The following DPP6 variants were observed in gnomAD, a reference collection of about 807,000 sequenced individuals.
DPP6 encodes the protein A-type potassium channel modulatory protein DPP6.
Under a neutral mutation model 122.6 loss-of-function variants are expected in DPP6, and 69 were observed. The observed-to-expected ratio is 0.56, with a 90% confidence interval of 0.46 to 0.69. The LOEUF (loss-of-function observed/expected upper bound fraction) is 0.69. DPP6 is among the 30% of genes least tolerant of loss of function. The probability of loss-of-function intolerance (pLI) is 0.00; values close to 1 mark genes in which losing one functional copy is unlikely to be tolerated. For missense variants in DPP6, 928 were observed against 1,116.9 expected (o/e 0.83, Z 2.41); for synonymous variants, 418 against 433.1 (o/e 0.97, Z 0.43).
At chr7:154,201,266 T>C (rs911278466) in intron 1 of DPP6, among the ~76,000 whole-genome samples, 4 of 152,134 alleles carry the variant, frequency 2.6e-5, no homozygotes, top group African/African-American at 9.7e-5. Context: ...TAGCTGGGAT[T>C]ACAGGCACCT....
In DPP6 at chr7:154,492,972, C is replaced by T. The variant is rs577990304; in HGVS notation, c.457+17935C>T. On this transcript the variant is annotated intron_variant, in intron 3 of 25. Transcript: ENST00000377770. ...AGTCAGTAAAAATCCACGAAGCTCCCGCATCCCTCTTCTTAAACATGGCCC... is the reference window on the plus strand; with the variant it reads ...AGTCAGTAAAAATCCACGAAGCTCCTGCATCCCTCTTCTTAAACATGGCCC... Among the ~76,000 whole-genome samples, 5 of 152,274 alleles carry T rather than the reference C, an allele frequency of 3.3e-5. No homozygotes were observed. In the South Asian group the frequency reaches 8.3e-4, roughly 25 times the overall value.
the DPP6 span, among the ~76,000 whole-genome samples, chr7:153,814,659 G>A: frequency 6.6e-6 from 1 of 151,984 alleles, no homozygotes; most frequent in Admixed American, 6.6e-5. Context: ...CAACCAAAAA[G>A]GAGAATTTTA....
chr7:154,175,293 G>A (rs1018853986), intron 1 of DPP6, among the ~76,000 whole-genome samples: 3 of 152,042 alleles, frequency 2.0e-5, no homozygotes, highest in Admixed American at 1.3e-4. Context: ...GTTGGAAATC[G>A]TCTTGGATTC....
chr7:153,957,224 GA>G (rs935305779), intron 1 of DPP6, among the ~76,000 whole-genome samples: 12 of 152,150 alleles, frequency 7.9e-5, no homozygotes, highest in African/African-American at 2.7e-4. Context: ...TGAGATGTCA[GA>G]AAAATCAGTA....
the DPP6 span, among the ~76,000 whole-genome samples, chr7:153,759,552 C>T: frequency 6.6e-6 from 1 of 151,944 alleles, no homozygotes. Flanking sequence ...AGGCTGGTCT[C>T]AAACTCCTAT....
At chr7:153,897,660 A>G (rs995285116) in intron 1 of DPP6, among the ~76,000 whole-genome samples, 3 of 152,200 alleles carry the variant, frequency 2.0e-5, no homozygotes, top group Non-Finnish European at 4.4e-5. Flanking sequence ...CAACTTATAT[A>G]TGAAAGTTTG....
intron 1 of DPP6, among the ~76,000 whole-genome samples, chr7:154,121,520 C>A (rs1179103511): frequency 1.3e-5 from 2 of 152,070 alleles, no homozygotes; most frequent in Non-Finnish European, 2.9e-5. Flanking sequence ...CTTGTGGTTT[C>A]CTCCTTAATA....
chr7:154,060,541 A>G (rs1372840558), intron 1 of DPP6, among the ~76,000 whole-genome samples: 4 of 133,496 alleles, frequency 3.0e-5, no homozygotes, highest in African/African-American at 1.2e-4. Context: ...GTGTCCAAGT[A>G]GAAAGTTCAA....
intron 13 of DPP6, 112 bp from the exon 14 acceptor site, chr7:154,803,752 A>G: frequency 6.9e-7 from 1 of 1,446,378 alleles, no homozygotes; most frequent in Non-Finnish European, 9.3e-7. Context: ...CCCTTCCCAC[A>G]GAGAGAATGG....
intron 1 of DPP6, among the ~76,000 whole-genome samples, chr7:154,185,189 T>C (rs928273305): frequency 7.2e-5 from 11 of 152,218 alleles, no homozygotes; most frequent in African/African-American, 2.4e-4. Flanking sequence ...ATGGTATGCA[T>C]TGTAGGCTAT....
chr7:154,841,078 C>G (rs530694305), intron 16 of DPP6, among the ~76,000 whole-genome samples: 4 of 152,162 alleles, frequency 2.6e-5, no homozygotes, highest in African/African-American at 9.7e-5. Flanking sequence ...TTGCTCGGAT[C>G]GAAAGTCATT....
intron 1 of DPP6, among the ~76,000 whole-genome samples, chr7:154,023,318 G>GCACGCGCACGCACACACACACACACACA (rs373378162): frequency 7.7e-6 from 1 of 129,528 alleles, no homozygotes; most frequent in African/African-American, 3.2e-5. Flanking sequence ...TTTCTTGTCT[G>GCACGCGCACGCACACACACACACACACA]CACACACACA....
chr7:154,478,921 C>A (rs1448485032), intron 3 of DPP6, among the ~76,000 whole-genome samples: 1 of 151,672 alleles, frequency 6.6e-6, no homozygotes, highest in Non-Finnish European at 1.5e-5. Context: ...TGGTGTAATT[C>A]TCTACAGAGG....
chr7:154,154,914 T>C (rs1157753857), intron 1 of DPP6, among the ~76,000 whole-genome samples: 2 of 152,154 alleles, frequency 1.3e-5, no homozygotes, highest in African/African-American at 2.4e-5. Flanking sequence ...AGATGCCATT[T>C]TGGGGACAAT....
Position 154,702,632 on chromosome 7 carries a change from G to A in DPP6, c.763-25135G>A, listed in dbSNP as rs1840588880. 3.3e-5 allele frequency among the ~76,000 whole-genome samples: 5 copies of A among 152,356 alleles called. No individual in the cohort carries two copies. In the South Asian group the frequency reaches 6.2e-4, roughly 19 times the overall value. The stretch of plus-strand genomic sequence containing the variant: ...TCCTAACTCTCTTCAATTCTGTGAA[G>A]GCCAAGGGAGGTAACGAGGCTATAG... On this transcript the variant is annotated intron_variant, in intron 7 of 25. Transcript: ENST00000377770.
At chr7:154,305,579 T>TGTGTGTGTGC in intron 1 of DPP6, 1 of 1,583,378 alleles carries the variant, frequency 6.3e-7, no homozygotes, top group South Asian at 1.2e-5. Flanking sequence ...GGTCCGTGTG[T>TGTGTGTGTGC]GTGTGTGTGC....
At chr7:154,008,683 A>T (rs1798021716) in intron 1 of DPP6, among the ~76,000 whole-genome samples, 1 of 123,994 alleles carries the variant, frequency 8.1e-6, no homozygotes, top group Admixed American at 9.2e-5. Context: ...TTTTTTTGAG[A>T]CGGAGTCTCG....
intron 1 of DPP6, among the ~76,000 whole-genome samples, chr7:154,351,316 A>T (rs1440267193): frequency 6.6e-6 from 1 of 151,894 alleles, no homozygotes; most frequent in Non-Finnish European, 1.5e-5. Context: ...AGCTTCACTG[A>T]TCACCCCATT....
chr7:154,307,154 C>T (rs1806420563), intron 1 of DPP6, among the ~76,000 whole-genome samples: 1 of 152,082 alleles, frequency 6.6e-6, no homozygotes, highest in Admixed American at 6.5e-5. Flanking sequence ...AAAAGAAATC[C>T]CTTGTTTCCT....
Sources: allele counts gnomAD v4.1 joint callset (sites outside exome capture counted in the v4.1 genomes callset), GRCh38; gene constraint gnomAD v4.1.1; transcripts MANE v1.5; gene names NCBI Gene and HGNC (gene_info 2026-07-23, HGNC 2026-07-21).